The following SDK1 variants were observed in gnomAD, a reference collection of about 807,000 sequenced individuals.
SDK1 encodes protein sidekick-1.
Under a neutral mutation model 245.5 loss-of-function variants are expected in SDK1, and 157 were observed. That is an observed-to-expected ratio of 0.64 (90% confidence interval 0.56 to 0.73). SDK1 has a LOEUF of 0.73. Ranked by LOEUF, SDK1 falls within the 30% of genes least tolerant of loss-of-function variation. SDK1 has a pLI of 0.00. For synonymous variants in SDK1, 1,647 were observed against 1,278.5 expected (o/e 1.29, Z -6.15); for missense variants, 3,583 against 3,002.3 (o/e 1.19, Z -4.52).
chr7:4,130,835 A>G (rs1425688820), intron 27 of SDK1, among the ~76,000 whole-genome samples: 2 of 152,082 alleles, frequency 1.3e-5, no homozygotes, highest in Non-Finnish European at 2.9e-5. Context: ...TCCCGCCACA[A>G]CACCCACCCT....
chr7:3,838,490 A>G (rs1166252128), intron 5 of SDK1, among the ~76,000 whole-genome samples: 1 of 152,208 alleles, frequency 6.6e-6, no homozygotes, highest in African/African-American at 2.4e-5. Context: ...GGGGAGCACA[A>G]GGCTGGAGTC....
chr7:3,967,879 C>G (rs1289892593), intron 10 of SDK1, among the ~76,000 whole-genome samples: 1 of 152,196 alleles, frequency 6.6e-6, no homozygotes, highest in Non-Finnish European at 1.5e-5. Flanking sequence ...CTTGGGGACC[C>G]CTGATTTACA....
chr7:3,924,394 G>T (rs796975059), intron 5 of SDK1, among the ~76,000 whole-genome samples: 6 of 152,284 alleles, frequency 3.9e-5, no homozygotes, highest in African/African-American at 1.2e-4. Context: ...GATGGCACTG[G>T]ATGAGTGAAT....
At chr7:4,167,066 G>A (rs1227939138) in intron 32 of SDK1, among the ~76,000 whole-genome samples, 1 of 152,084 alleles carries the variant, frequency 6.6e-6, no homozygotes, top group Non-Finnish European at 1.5e-5. Flanking sequence ...CCCCTACCTG[G>A]TGATAAAACC....
chr7:3,773,195 G>A (rs1360988179), intron 4 of SDK1, among the ~76,000 whole-genome samples: 1 of 151,688 alleles, frequency 6.6e-6, no homozygotes, highest in African/African-American at 2.4e-5. Context: ...CCTCTTTATT[G>A]TGTCCCTCAA....
At chr7:3,415,150 A>G (rs932209720) in intron 1 of SDK1, among the ~76,000 whole-genome samples, 1 of 152,186 alleles carries the variant, frequency 6.6e-6, no homozygotes, top group African/African-American at 2.4e-5. Context: ...CCAACTTTAT[A>G]TCATTTATTT....
At chr7:3,736,985 A>G (rs534352029) in intron 4 of SDK1, among the ~76,000 whole-genome samples, 1 of 152,308 alleles carries the variant, frequency 6.6e-6, no homozygotes, top group East Asian at 1.9e-4. Context: ...TAAGAGTTGT[A>G]CTTTTTTAGA....
At chr7:3,809,657 C>G (rs1779336343) in intron 4 of SDK1, among the ~76,000 whole-genome samples, 1 of 152,184 alleles carries the variant, frequency 6.6e-6, no homozygotes, top group South Asian at 2.1e-4. Flanking sequence ...TAGTATTCCT[C>G]TGCTATTATT....
chr7:4,183,623 A>G (rs1782716847), intron 35 of SDK1, among the ~76,000 whole-genome samples: 1 of 148,844 alleles, frequency 6.7e-6, no homozygotes, highest in South Asian at 2.2e-4. Flanking sequence ...CCTGGGCTAC[A>G]GAGCAAGACT....
In SDK1 at chr7:4,051,759, C is replaced by T. The variant is rs868364296; in HGVS notation, c.2840C>T (p.Ser947Phe). The change falls in exon 19 of 45, where the codon TCC becomes TTC. Residue 947 changes from serine to phenylalanine, a missense_variant. Ser to Phe is a radical substitution (Grantham distance 155). Coordinates refer to ENST00000404826, the MANE Select transcript of SDK1 (RefSeq NM_152744.4). ...NLKKFTAYFT[S>F]VLCFTTPGDG... ...AAGAAGTTTACCGCCTACTTCACTT[C>T]CGTTCTGTGCTTCACCACCCCTGGG... The T allele has an allele frequency of 6.2e-7, 1 of 1,613,920 alleles. No individual in the cohort carries two copies. Among genetic ancestry groups the T allele is most frequent in the Non-Finnish European group, 8.5e-7 (1 of 1,179,966 alleles).
intron 1 of SDK1, among the ~76,000 whole-genome samples, chr7:3,360,884 T>A (rs930233777): frequency 7.5e-5 from 7 of 93,898 alleles, no homozygotes; most frequent in Non-Finnish European, 2.1e-5. Flanking sequence ...TAGTACTGCC[T>A]ATGTGTCATG....
chr7:3,461,538 C>T (rs547357635), intron 1 of SDK1, among the ~76,000 whole-genome samples: 3 of 152,098 alleles, frequency 2.0e-5, no homozygotes, highest in African/African-American at 4.8e-5. Context: ...TGTGGAGTGG[C>T]GTGAGGGCCG....
chr7:3,987,078 C>A lies in SDK1; in HGVS notation c.1995-108C>A, dbSNP rs142671363. 4 of 1,078,016 alleles carry A rather than the reference C, an allele frequency of 3.7e-6. No homozygotes were observed. The East Asian group carries it at 7.2e-5, about 19-fold the overall frequency. The allele number at this position is 1,078,016 out of a possible 1,614,324, so 66.8% of individuals were successfully genotyped here. ...GTGTTTGGGCATATTTTATGTTATT[C>A]ATTTCCCAAACATGACACAGCAGGA... On this transcript the variant is annotated intron_variant, in intron 13 of 44. Coordinates refer to ENST00000404826, the MANE Select transcript of SDK1 (RefSeq NM_152744.4).
At chr7:3,474,479 G>A (rs181648722) in intron 1 of SDK1, among the ~76,000 whole-genome samples, 13 of 152,028 alleles carry the variant, frequency 8.6e-5, no homozygotes, top group African/African-American at 3.1e-4. Context: ...TCTCCCTCCA[G>A]TCCCTTGGCC....
At chr7:3,831,973 C>A (rs746325918) in intron 5 of SDK1, among the ~76,000 whole-genome samples, 2 of 152,006 alleles carry the variant, frequency 1.3e-5, no homozygotes, top group Non-Finnish European at 2.9e-5. Context: ...ATCACTTGAG[C>A]CAGGGAGGTC....
At chr7:3,507,132 C>T (rs1411918523) in intron 1 of SDK1, among the ~76,000 whole-genome samples, 1 of 152,102 alleles carries the variant, frequency 6.6e-6, no homozygotes, top group Non-Finnish European at 1.5e-5. Flanking sequence ...CTGCTGAATG[C>T]CCTAGGTGTT....
At chr7:3,982,779 G>C (rs1359613583) in intron 13 of SDK1, among the ~76,000 whole-genome samples, 1 of 151,984 alleles carries the variant, frequency 6.6e-6, no homozygotes, top group Non-Finnish European at 1.5e-5. Context: ...GGCGGAGCTT[G>C]CAGTGAGCTG....
chr7:4,122,178 T>G (rs574489177), intron 25 of SDK1, among the ~76,000 whole-genome samples: 12 of 152,198 alleles, frequency 7.9e-5, no homozygotes, highest in Non-Finnish European at 1.6e-4. Context: ...TTCACAGCCT[T>G]CTTCTCTGGG....
chr7:4,230,039 A>AGAAG (rs55723679), intron 40 of SDK1, among the ~76,000 whole-genome samples: 20,836 of 66,288 alleles, frequency 0.31, 3,689 homozygotes, highest in East Asian at 0.48. Context: ...AGGGGGACCC[A>AGAAG]GAAGGAAGGA....
Sources: gnomAD v4.1 joint callset for allele counts (sites outside exome capture counted in the v4.1 genomes callset) on GRCh38, gnomAD v4.1.1 for gene constraint, MANE v1.5 for transcripts, NCBI Gene and HGNC (gene_info 2026-07-23, HGNC 2026-07-21) for gene names.